ROBO1: variants seen among roughly 807,000 people sequenced by gnomAD.
ROBO1 encodes roundabout homolog 1.
ROBO1 carries 149 observed loss-of-function variants against 195.9 expected under a neutral mutation model. The observed-to-expected ratio is 0.76, with a 90% confidence interval of 0.67 to 0.87. The LOEUF is 0.87. Ranked by LOEUF, ROBO1 falls within the 40% of genes least tolerant of loss-of-function variation. The probability of loss-of-function intolerance (pLI) is 0.00; values close to 1 mark genes in which losing one functional copy is unlikely to be tolerated. For synonymous variants in ROBO1, 816 were observed against 733.2 expected (o/e 1.11, Z -1.82); for missense variants, 1,933 against 2,068.3 (o/e 0.93, Z 1.27).
At chr3:79,287,609 G>A (rs761112706) in intron 2 of ROBO1, among the ~76,000 whole-genome samples, 1 of 152,102 alleles carries the variant, frequency 6.6e-6, no homozygotes, top group Non-Finnish European at 1.5e-5. Context: ...TGAATATGAT[G>A]ATGGTGACAC....
At chr3:79,121,370 G>A (rs562144293) in intron 3 of ROBO1, among the ~76,000 whole-genome samples, 1 of 152,008 alleles carries the variant, frequency 6.6e-6, no homozygotes, top group South Asian at 2.1e-4. Context: ...ACAAAACAAG[G>A]TTTTGGGATT....
At chr3:78,661,626 T>A (rs1343600469) in intron 15 of ROBO1, among the ~76,000 whole-genome samples, 1 of 152,210 alleles carries the variant, frequency 6.6e-6, no homozygotes, top group Non-Finnish European at 1.5e-5. Context: ...GTCAAGGGGA[T>A]GAGAAGCTAA....
At chr3:79,488,229 A>C (rs1490301659) in intron 2 of ROBO1, among the ~76,000 whole-genome samples, 2 of 152,226 alleles carry the variant, frequency 1.3e-5, no homozygotes, top group Admixed American at 6.5e-5. Flanking sequence ...ATAACTTTAA[A>C]TATAATTTGC....
intron 4 of ROBO1, among the ~76,000 whole-genome samples, chr3:78,752,206 C>T (rs1242235114): frequency 6.6e-6 from 1 of 152,034 alleles, no homozygotes; most frequent in African/African-American, 2.4e-5. Context: ...TTTTATGACA[C>T]TCCTAGTTCC....
At chr3:78,712,017 C>CA (rs56267632) in intron 8 of ROBO1, among the ~76,000 whole-genome samples, 56 of 76,412 alleles carry the variant, frequency 7.3e-4, no homozygotes, top group African/African-American at 2.6e-3. Flanking sequence ...AAGACCTTGG[C>CA]AAAAAAAAAA....
intron 2 of ROBO1, among the ~76,000 whole-genome samples, chr3:79,240,109 T>C (rs938364272): frequency 5.3e-5 from 8 of 152,312 alleles, no homozygotes; most frequent in African/African-American, 1.9e-4. Flanking sequence ...TTATTAACTA[T>C]AGTCACTATA....
In ROBO1 at chr3:79,385,938, T is replaced by C. The variant is rs189525287; in HGVS notation, c.88+203886A>G. ...CTCTCTACACATTTATATTATTTTC[T>C]CTTGAAAAACATTGAACAGGGCCTG... On this transcript the variant is annotated intron_variant, in intron 2 of 30. Coordinates refer to ENST00000464233, the MANE Select transcript of ROBO1 (RefSeq NM_002941.4). Among the ~76,000 whole-genome samples, 92 of 152,292 alleles carry C rather than the reference T, an allele frequency of 6.0e-4. 2 individuals carry two copies. In the East Asian group the frequency reaches 0.017, roughly 28 times the overall value.
intron 1 of ROBO1, among the ~76,000 whole-genome samples, chr3:79,673,015 G>A (rs568032274): frequency 5.0e-4 from 76 of 152,008 alleles, no homozygotes; most frequent in African/African-American, 1.8e-3. Context: ...GCTTCATTAC[G>A]AGGCTTCACA....
chr3:79,686,152 CT>C (rs1947102771), intron 1 of ROBO1, among the ~76,000 whole-genome samples: 1 of 152,088 alleles, frequency 6.6e-6, no homozygotes, highest in Admixed American at 6.6e-5. Context: ...CAGAAAAAGC[CT>C]TTGACAAAAT....
chr3:78,886,259 A>G (rs544098155), intron 4 of ROBO1, among the ~76,000 whole-genome samples: 1 of 152,186 alleles, frequency 6.6e-6, no homozygotes, highest in African/African-American at 2.4e-5. Flanking sequence ...TCTTAACTCA[A>G]TTTCATATAT....
chr3:79,336,880 G>A (rs541276038), intron 2 of ROBO1, among the ~76,000 whole-genome samples: 132 of 152,322 alleles, frequency 8.7e-4, no homozygotes, highest in Non-Finnish European at 1.5e-3. Flanking sequence ...TCTTGCATCA[G>A]TATGACCGGA....
chr3:78,621,732 T>C (rs1553684323), intron 26 of ROBO1, among the ~76,000 whole-genome samples: 1 of 152,208 alleles, frequency 6.6e-6, no homozygotes, highest in Non-Finnish European at 1.5e-5. Context: ...AAATAATGTA[T>C]AAGTATATGA....
In ROBO1 at chr3:78,808,741, TG is replaced by T. The variant is rs1205049053; in HGVS notation, c.500-61842del. On this transcript the variant is annotated intron_variant, in intron 4 of 30. Transcript: ENST00000464233. ...TGAAAAACCTGACAAAAACAAGCAA[TG>T]GGGAAACGATTCCCTATATAATAAA... Among the ~76,000 whole-genome samples the T allele has an allele frequency of 2.0e-5, 3 of 152,210 alleles. No homozygotes were observed. In the East Asian group the frequency reaches 5.8e-4, roughly 29 times the overall value.
At chr3:78,762,044 T>C (rs1470313456) in intron 4 of ROBO1, among the ~76,000 whole-genome samples, 2 of 152,070 alleles carry the variant, frequency 1.3e-5, no homozygotes, top group African/African-American at 4.8e-5. Context: ...AAATTCACAG[T>C]TGTTTTTAAA....
Position 78,898,624 on chromosome 3 carries a change from C to G in ROBO1, c.499+39977G>C, listed in dbSNP as rs935118794. 4.0e-5 allele frequency among the ~76,000 whole-genome samples: 6 copies of G among 151,546 alleles called. No individual in the cohort carries two copies. In the East Asian group the frequency reaches 1.2e-3, roughly 29 times the overall value. On this transcript the variant is annotated intron_variant, in intron 4 of 30. Coordinates refer to ENST00000464233, the MANE Select transcript of ROBO1 (RefSeq NM_002941.4). Reference sequence around the variant, plus strand: ...CAGGATGGTCTCGATCTCCTGACCTCGTGATCTGCCCACCTCGGCCTCCCA... The same window carrying G: ...CAGGATGGTCTCGATCTCCTGACCTGGTGATCTGCCCACCTCGGCCTCCCA...
chr3:79,141,980 T>G (rs940515465), intron 2 of ROBO1, among the ~76,000 whole-genome samples: 2 of 152,136 alleles, frequency 1.3e-5, no homozygotes, highest in Non-Finnish European at 2.9e-5. Flanking sequence ...GTGGTTTTTT[T>G]TGTGGGGATA....
Position 79,163,584 on chromosome 3 carries a change from A to AT in ROBO1, c.89-38046dup, listed in dbSNP as rs1469369256. Among the ~76,000 whole-genome samples the AT allele has an allele frequency of 2.0e-5, 3 of 152,018 alleles. No homozygotes were observed. In the South Asian group the frequency reaches 6.2e-4, roughly 32 times the overall value. ...GCATCATATGGTAATTCTATTTTTA[A>AT]TTTTTTGTGGAACTGCCATACTGTT... is the stretch of plus-strand genomic sequence containing the variant. On this transcript the variant is annotated intron_variant, in intron 2 of 30. Coordinates refer to ENST00000464233, the MANE Select transcript of ROBO1 (RefSeq NM_002941.4).
chr3:78,803,910 T>C (rs2084447812), intron 4 of ROBO1, among the ~76,000 whole-genome samples: 1 of 152,148 alleles, frequency 6.6e-6, no homozygotes, highest in Non-Finnish European at 1.5e-5. Context: ...TTATAAAAGA[T>C]TTGAAATTGT....
At chr3:78,907,425 G>C in intron 4 of ROBO1, among the ~76,000 whole-genome samples, 1 of 152,048 alleles carries the variant, frequency 6.6e-6, no homozygotes, top group Admixed American at 6.6e-5. Context: ...TACTAGCATT[G>C]TGCAAATTAG....
Sources: gnomAD v4.1 joint callset for allele counts (sites outside exome capture counted in the v4.1 genomes callset) on GRCh38, gnomAD v4.1.1 for gene constraint, MANE v1.5 for transcripts, NCBI Gene and HGNC (gene_info 2026-07-23, HGNC 2026-07-21) for gene names.